The following RNF112 variants were observed in gnomAD, a reference collection of about 807,000 sequenced individuals.
The protein encoded by RNF112 is ring finger protein 112.
In RNF112, 34 loss-of-function variants were observed where a neutral mutation model predicts 64.7. That is an observed-to-expected ratio of 0.53 (90% CI 0.40 to 0.70). RNF112 has a LOEUF of 0.70. RNF112 is among the 30% of genes least tolerant of loss of function. The probability of loss-of-function intolerance (pLI) is 0.00; values close to 1 mark genes in which losing one functional copy is unlikely to be tolerated. For missense variants in RNF112, 734 were observed against 850.0 expected, an observed-to-expected ratio of 0.86 and a Z score of 1.70; for synonymous variants, 345 against 344.5, an observed-to-expected ratio of 1.00 and a Z score of -0.02.
chr17:19,414,005 G>A (rs1003878636), intron 6 of RNF112, 90 bp from the exon 7 acceptor site: 10 of 1,111,426 alleles, frequency 9.0e-6, no homozygotes, highest in Non-Finnish European at 1.2e-5. Context: ...CCCACAGGCT[G>A]CCTGCGAGCT....
Position 19,412,915 on chromosome 17 carries a change from G to A in RNF112, c.382-23G>A, listed in dbSNP as rs903579676. On this transcript the variant is annotated intron_variant, in intron 3 of 13. Transcript: ENST00000461366. This position sits in a 1 kb window ranked among gnomAD's most constrained non-coding sequence, Gnocchi z 5.1. ...AGGAGCTGGTCCTGGATGCTCAGGG[G>A]CCCCTCTCTTCTCCTGGCCCAGGAG... is the stretch of plus-strand genomic sequence containing the variant. The A allele has an allele frequency of 5.7e-6, 9 of 1,566,426 alleles. No individual in the cohort carries two copies. The highest frequency in any genetic ancestry group is 1.4e-5 in the African/African-American group (1 of 73,548).
intron 1 of RNF112, 66 bp downstream of exon 1, chr17:19,411,528 A>T (rs1598133093): frequency 5.5e-6 from 3 of 541,142 alleles, no homozygotes; most frequent in African/African-American, 3.5e-5. Flanking sequence ...GGGCTGGGGG[A>T]TGGGCCGGGG....
chr17:19,411,531 G>A (rs1913654074), intron 1 of RNF112, 69 bp downstream of exon 1: 2 of 1,364,302 alleles, frequency 1.5e-6, no homozygotes, highest in Admixed American at 3.9e-5. Flanking sequence ...CTGGGGGATG[G>A]GCCGGGGGTG....
chr17:19,413,529 G>A lies in RNF112; in HGVS notation c.721-48G>A, dbSNP rs1218101787. The A allele has an allele frequency of 3.8e-6, 6 of 1,588,246 alleles. No individual in the cohort carries two copies. The highest frequency in any genetic ancestry group is 5.2e-6 in the Non-Finnish European group (6 of 1,161,618). On this transcript the variant is annotated intron_variant, in intron 5 of 13. Transcript: ENST00000461366. The surrounding 1 kb of genome is among the most constrained non-coding windows in gnomAD (Gnocchi z 5.9). Reference sequence around the variant, plus strand: ...GGGCAGGGTTGGGAAGAATGTGGGAGAACAAGGCAGGCCTGGCCCCTTGGG... The same window carrying A: ...GGGCAGGGTTGGGAAGAATGTGGGAAAACAAGGCAGGCCTGGCCCCTTGGG...
In RNF112 at chr17:19,412,974, G is replaced by T. The variant is rs1428546792; in HGVS notation, c.418G>T (p.Val140Phe). Residue 140 changes from valine (V) to phenylalanine (F), a missense_variant, in exon 4 of 14, where the codon GTT (valine) becomes TTT (phenylalanine). Coordinates refer to ENST00000461366, the MANE Select transcript of RNF112 (RefSeq NM_007148.5). The surrounding 1 kb of genome is among the most constrained non-coding windows in gnomAD (Gnocchi z 5.1). ...TGTGAGGGCGGAGCCGCTGCTGCTG[G>T]TTCGCATCAATGCCTCTGGGGGCCT... ...CPVRAEPLLL[V>F]RINASGGLIL... 6.2e-7 allele frequency: 1 copy of T among 1,607,162 alleles called. No homozygotes were observed. The highest frequency in any genetic ancestry group is 8.5e-7 in the Non-Finnish European group (1 of 1,177,004).
At position 19,413,482 on chromosome 17, in the gene RNF112, G is replaced by T; in HGVS notation, c.720+71G>T. 1.9e-6 allele frequency: 3 copies of T among 1,566,194 alleles called. No individual in the cohort carries two copies. The highest frequency in any genetic ancestry group is 1.1e-5 in the South Asian group (1 of 88,204). On this transcript the variant is annotated intron_variant, in intron 5 of 13. Transcript: ENST00000461366. This position sits in a 1 kb window ranked among gnomAD's most constrained non-coding sequence, Gnocchi z 5.9. ...TCAAGAAGGGCGTCTCTGGGGTGAGGATAGAAGATGGGGATGGGACGGGGC... is the reference window on the plus strand; with the variant it reads ...TCAAGAAGGGCGTCTCTGGGGTGAGTATAGAAGATGGGGATGGGACGGGGC...
At chr17:19,414,971 C>T in intron 10 of RNF112, 67 bp from the exon 11 acceptor site, 1 of 1,587,916 alleles carries the variant, frequency 6.3e-7, no homozygotes, top group Non-Finnish European at 8.6e-7. Context: ...ACCCACCTCT[C>T]CTGGCCTCTG....
intron 8 of RNF112, 32 bp from the exon 9 acceptor site, chr17:19,414,554 A>G (rs946437973): frequency 1.2e-5 from 19 of 1,613,874 alleles, no homozygotes; most frequent in South Asian, 6.6e-5. Flanking sequence ...CGCCACCCCC[A>G]TTTGCTGGTG....
chr17:19,414,752 CCT>C lies in RNF112; in HGVS notation c.1009-14_1009-13del, dbSNP rs1913804369. On this transcript the variant is annotated splice_polypyrimidine_tract_variant and intron_variant, in intron 9 of 13. Transcript: ENST00000461366. Reference sequence around the variant, plus strand: ...GCTGGACCTCCTAGCTCAGAGCACTCCTCTCGCTGCCTCACAGAGATTGTCTG... The same window carrying C: ...GCTGGACCTCCTAGCTCAGAGCACTCCTCGCTGCCTCACAGAGATTGTCTG... 1.2e-6 allele frequency: 2 copies of C among 1,612,642 alleles called. No individual in the cohort carries two copies. The highest frequency in any genetic ancestry group is 1.3e-5 in the African/African-American group (1 of 75,018).
In RNF112 at chr17:19,414,077, TG is replaced by T; in HGVS notation, c.826-17del. ...GGCCTCTGTAATCTCTCATACATGT[TG>T]TTCTCTCTGATTCCAGATCCTCAGC... On this transcript the variant is annotated splice_polypyrimidine_tract_variant and intron_variant, in intron 6 of 13. Coordinates refer to ENST00000461366, the MANE Select transcript of RNF112 (RefSeq NM_007148.5). 1 of 1,598,376 alleles carries T rather than the reference TG, an allele frequency of 6.3e-7. No individual in the cohort carries two copies. The highest frequency in any genetic ancestry group is 1.1e-5 in the South Asian group (1 of 90,728).
In RNF112 at chr17:19,411,286, G is replaced by A. The variant is rs1001411805; in HGVS notation, c.-123G>A. The A allele has an allele frequency of 3.6e-6, 3 of 826,082 alleles. No individual in the cohort carries two copies. Among genetic ancestry groups the A allele is most frequent in the East Asian group, 2.7e-5 (1 of 37,426 alleles). 51.2% of individuals were successfully genotyped at this position (826,082 alleles called of 1,614,324 possible). A position where few individuals can be genotyped will look rare whatever the true frequency, so the allele number is the denominator to read the frequency against. On this transcript the variant is annotated 5_prime_UTR_variant, in exon 1 of 14. Coordinates refer to ENST00000461366, the MANE Select transcript of RNF112 (RefSeq NM_007148.5). The stretch of plus-strand genomic sequence containing the variant: ...CAGCTCCTCGGGGATACCATCCCCC[G>A]ACCTCACCTTCTACCTACCGCAGCC...
chr17:19,413,600 A>T lies in RNF112; in HGVS notation c.744A>T (p.Thr248=). 1 of 1,613,258 alleles carries T rather than the reference A, an allele frequency of 6.2e-7. No individual in the cohort carries two copies. The highest frequency in any genetic ancestry group is 8.5e-7 in the Non-Finnish European group (1 of 1,179,596). The part of the protein sequence containing the change: ...GKKVAVFLVD[T]GDAMSPELSR... ...AGGTGGCGGTGTTCCTGGTGGACAC[A>T]GGGGATGCCATGAGCCCTGAGCTGA... Residue 248 remains threonine (T), a synonymous_variant, in exon 6 of 14, where the codon ACA becomes ACT. Transcript: ENST00000461366. The surrounding 1 kb of genome is among the most constrained non-coding windows in gnomAD (Gnocchi z 5.9).
chr17:19,414,835 C>G lies in RNF112; in HGVS notation c.1074C>G (p.Leu358=). 5.6e-6 allele frequency: 9 copies of G among 1,613,808 alleles called. No individual in the cohort carries two copies. Among genetic ancestry groups the G allele is most frequent in the East Asian group, 2.2e-5 (1 of 44,884 alleles). ...AAGGGAAGCGAGCCCGTTGCTGCCTCTTGCCTGCCCCAGGGAGGCGGCGGA... is the reference window on the plus strand; with the variant it reads ...AAGGGAAGCGAGCCCGTTGCTGCCTGTTGCCTGCCCCAGGGAGGCGGCGGA... ...LLQGKRARCC[L]LPAPGRRRMN... The change falls in exon 10 of 14, where the codon CTC becomes CTG. Residue 358 remains leucine (L), a synonymous_variant. Coordinates refer to ENST00000461366, the MANE Select transcript of RNF112 (RefSeq NM_007148.5).
In RNF112 at chr17:19,415,680, CCTT is replaced by C; in HGVS notation, c.1426-21_1426-19del. On this transcript the variant is annotated intron_variant, in intron 13 of 13. Coordinates refer to ENST00000461366, the MANE Select transcript of RNF112 (RefSeq NM_007148.5). This position sits in a 1 kb window ranked among gnomAD's most constrained non-coding sequence, Gnocchi z 7.8. ...ATACCTGGGACTCCTGGTCAGGGCA[CCTT>C]CTTTTCCCCTCCCTGTCACAGGACG... The C allele has an allele frequency of 6.2e-7, 1 of 1,600,566 alleles. No individual in the cohort carries two copies. Among genetic ancestry groups the C allele is most frequent in the Non-Finnish European group, 8.5e-7 (1 of 1,172,458 alleles).
chr17:19,412,289 C>T lies in RNF112; in HGVS notation c.96-209C>T, dbSNP rs909052285. Among the ~76,000 whole-genome samples the T allele has an allele frequency of 5.9e-5, 9 of 152,134 alleles. No homozygotes were observed. Among genetic ancestry groups the T allele is most frequent in the African/African-American group, 9.7e-5 (4 of 41,434 alleles). ...GCTCTGCTGCCCCCACTCTGAGGCCCCCAGGTCCTAGGACACATGTCAGTG... is the reference window on the plus strand; with the variant it reads ...GCTCTGCTGCCCCCACTCTGAGGCCTCCAGGTCCTAGGACACATGTCAGTG... On this transcript the variant is annotated intron_variant, in intron 2 of 13. Transcript: ENST00000461366. This position sits in a 1 kb window ranked among gnomAD's most constrained non-coding sequence, Gnocchi z 5.1.
chr17:19,415,918 C>T lies in RNF112; in HGVS notation c.1639C>T (p.Leu547=), dbSNP rs778488073. ...CTACACGATGCGCTTCTGTGGCCAC[C>T]TAGCTGCTGTGGGGGGTGCTGTGGG... ...DSYTMRFCGH[L]AAVGGAVGAG... The change falls in exon 14 of 14, where the codon CTA becomes TTA. Residue 547 remains leucine, a synonymous_variant. Transcript: ENST00000461366. The surrounding 1 kb of genome is among the most constrained non-coding windows in gnomAD (Gnocchi z 7.8). 9.3e-6 allele frequency: 15 copies of T among 1,612,056 alleles called. No homozygotes were observed. In the Admixed American group the frequency reaches 1.2e-4, roughly 13 times the overall value.
Position 19,413,270 on chromosome 17 carries a change from TC to T in RNF112, c.589-6del. ...CGACCAACTGATGCTCTCCCTTCTCTCCCCTGCAGGAGTCTGGTGAGGGCGG... is the reference window on the plus strand; with the variant it reads ...CGACCAACTGATGCTCTCCCTTCTCTCCCTGCAGGAGTCTGGTGAGGGCGG... On this transcript the variant is annotated splice_polypyrimidine_tract_variant and intron_variant, in intron 4 of 13. Transcript: ENST00000461366. This position sits in a 1 kb window ranked among gnomAD's most constrained non-coding sequence, Gnocchi z 5.9. 1 of 1,603,124 alleles carries T rather than the reference TC, an allele frequency of 6.2e-7. No homozygotes were observed. Among genetic ancestry groups the T allele is most frequent in the Non-Finnish European group, 8.5e-7 (1 of 1,172,790 alleles).
intron 10 of RNF112, 72 bp from the exon 11 acceptor site, chr17:19,414,966 C>T (rs1160445395): frequency 3.8e-6 from 6 of 1,585,716 alleles, no homozygotes; most frequent in African/African-American, 2.7e-5. Flanking sequence ...GAAGCACCCA[C>T]CTCTCCTGGC....
Position 19,413,946 on chromosome 17 carries a change from GCC to G in RNF112, c.826-147_826-146del. The G allele has an allele frequency of 1.5e-6, 1 of 686,492 alleles. No homozygotes were observed. Among genetic ancestry groups the G allele is most frequent in the Non-Finnish European group, 2.5e-6 (1 of 403,748 alleles). 42.5% of individuals were successfully genotyped at this position (686,492 alleles called of 1,614,324 possible). On this transcript the variant is annotated intron_variant, in intron 6 of 13. Transcript: ENST00000461366. The surrounding 1 kb of genome is among the most constrained non-coding windows in gnomAD (Gnocchi z 5.9). ...TGTCTCCGGCCTTGAGGCCAGCCCA[GCC>G]CTGCAGCCTTCGAGGCCCCCATACT...
Sources: gnomAD v4.1 joint callset for allele counts (sites outside exome capture counted in the v4.1 genomes callset) on GRCh38, gnomAD v4.1.1 for gene constraint, Gnocchi (gnomAD v3.1) non-coding constraint, MANE v1.5 for transcripts, NCBI Gene and HGNC (gene_info 2026-07-23, HGNC 2026-07-21) for gene names.